Variants in TNIK observed in about 807,000 individuals in gnomAD.
The protein encoded by TNIK is TRAF2 and NCK interacting kinase.
Under a neutral mutation model 191.3 loss-of-function variants are expected in TNIK, and 49 were observed. The ratio of observed to expected loss-of-function variants is 0.26; its 90% CI spans 0.20 to 0.32. TNIK has a LOEUF of 0.32. TNIK is among the 10% of genes least tolerant of loss of function. The pLI, the probability that TNIK is intolerant of heterozygous loss-of-function variation, is 1.00. For missense variants in TNIK, 1,155 were observed against 1,702.3 expected (o/e 0.68, Z 5.66); for synonymous variants, 594 against 600.9 (o/e 0.99, Z 0.17).
chr3:171,144,689 A>T (rs1731295403), intron 12 of TNIK, among the ~76,000 whole-genome samples: 1 of 152,204 alleles, frequency 6.6e-6, no homozygotes, highest in East Asian at 1.9e-4. Flanking sequence ...AATTTCAGCC[A>T]TCCTCTTATG....
chr3:171,152,338 CA>C (rs1463028529), intron 12 of TNIK, among the ~76,000 whole-genome samples: 1 of 151,456 alleles, frequency 6.6e-6, no homozygotes, highest in Non-Finnish European at 1.5e-5. Flanking sequence ...AGAATGTGAA[CA>C]AAAAGCTGAT....
At chr3:171,124,321 G>A (rs1274503709) in intron 17 of TNIK, among the ~76,000 whole-genome samples, 2 of 152,092 alleles carry the variant, frequency 1.3e-5, no homozygotes, top group African/African-American at 4.8e-5. Context: ...GTCAATTAGT[G>A]AACATAATAG....
chr3:171,270,021 TAA>T (rs367587283), intron 2 of TNIK, among the ~76,000 whole-genome samples: 3 of 152,242 alleles, frequency 2.0e-5, no homozygotes, highest in African/African-American at 7.2e-5. Flanking sequence ...CAATAGAAAA[TAA>T]ACTCACACAC....
At chr3:171,151,661 G>A (rs887158478) in intron 12 of TNIK, among the ~76,000 whole-genome samples, 2 of 152,172 alleles carry the variant, frequency 1.3e-5, no homozygotes, top group African/African-American at 4.8e-5. Flanking sequence ...AAGAAAGCTG[G>A]GATTTGACCC....
At chr3:171,219,284 A>G (rs962958458) in intron 3 of TNIK, among the ~76,000 whole-genome samples, 52 of 144,568 alleles carry the variant, frequency 3.6e-4, no homozygotes, top group African/African-American at 1.3e-3. Flanking sequence ...TATTATATAT[A>G]ATGATATATA....
chr3:171,459,322 A>G (rs1463322557), intron 1 of TNIK, among the ~76,000 whole-genome samples: 1 of 152,152 alleles, frequency 6.6e-6, no homozygotes, highest in Non-Finnish European at 1.5e-5. Flanking sequence ...AAGTTCAGCC[A>G]TAAAACTGAA....
chr3:171,286,308 C>T (rs543845961), intron 2 of TNIK, among the ~76,000 whole-genome samples: 1 of 152,152 alleles, frequency 6.6e-6, no homozygotes, highest in Non-Finnish European at 1.5e-5. Flanking sequence ...CATGAATGCC[C>T]TGACTCGTTA....
chr3:171,143,150 G>C (rs1731080055), intron 12 of TNIK, among the ~76,000 whole-genome samples: 1 of 152,184 alleles, frequency 6.6e-6, no homozygotes, highest in African/African-American at 2.4e-5. Flanking sequence ...ACACATGGAG[G>C]CATCTGCCAG....
intron 2 of TNIK, among the ~76,000 whole-genome samples, chr3:171,356,327 G>C (rs958580634): frequency 6.6e-6 from 1 of 152,020 alleles, no homozygotes; most frequent in Non-Finnish European, 1.5e-5. Context: ...AATGTAAGTA[G>C]CCCAAGGTAT....
intron 3 of TNIK, among the ~76,000 whole-genome samples, chr3:171,217,767 G>A (rs991113460): frequency 3.3e-5 from 5 of 152,116 alleles, no homozygotes; most frequent in African/African-American, 1.2e-4. Context: ...TGTGGTAGCT[G>A]ATCTAATTAA....
chr3:171,200,779 G>C (rs1739305574), intron 4 of TNIK, among the ~76,000 whole-genome samples: 1 of 152,194 alleles, frequency 6.6e-6, no homozygotes, highest in Admixed American at 6.5e-5. Flanking sequence ...CTCAAAGGCA[G>C]TCAAAGGTTT....
intron 23 of TNIK, among the ~76,000 whole-genome samples, chr3:171,092,120 T>G (rs564652650): frequency 1.3e-5 from 2 of 152,040 alleles, no homozygotes; most frequent in African/African-American, 4.8e-5. Flanking sequence ...TGGCTAATTT[T>G]TTTATTTTTA....
chr3:171,116,989 G>T (rs1232251160), intron 18 of TNIK, among the ~76,000 whole-genome samples: 1 of 152,208 alleles, frequency 6.6e-6, no homozygotes, highest in Non-Finnish European at 1.5e-5. Flanking sequence ...GTTGCATGGG[G>T]TCAGGATGAC....
At chr3:171,087,758 G>A (rs892511083) in intron 23 of TNIK, among the ~76,000 whole-genome samples, 1 of 152,214 alleles carries the variant, frequency 6.6e-6, no homozygotes, top group African/African-American at 2.4e-5. Flanking sequence ...ATATGGCATG[G>A]GAGTCCCATG....
At chr3:171,085,278 A>G in intron 24 of TNIK, 49 bp from the exon 25 acceptor site, 1 of 1,500,180 alleles carries the variant, frequency 6.7e-7, no homozygotes, top group Non-Finnish European at 9.1e-7. Flanking sequence ...TACTGCAGGA[A>G]TAACAATGCT....
chr3:171,139,683 C>A (rs1010757448), intron 13 of TNIK, 127 bp from the exon 14 acceptor site: 1 of 775,932 alleles, frequency 1.3e-6, no homozygotes, highest in East Asian at 2.6e-5. Flanking sequence ...TACCCAAATA[C>A]CTTCTTACAA....
intron 2 of TNIK, among the ~76,000 whole-genome samples, chr3:171,336,688 T>C (rs1756984333): frequency 6.6e-6 from 1 of 152,142 alleles, no homozygotes; most frequent in Admixed American, 6.5e-5. Context: ...AAAATCTCCA[T>C]CAGCATTTCC....
chr3:171,440,006 C>A (rs1222363885), intron 1 of TNIK, among the ~76,000 whole-genome samples: 1 of 152,198 alleles, frequency 6.6e-6, no homozygotes, highest in East Asian at 1.9e-4. Context: ...ATGGTAGAAG[C>A]CTGCACAGTT....
chr3:171,405,135 T>C (rs1212054914), intron 1 of TNIK, among the ~76,000 whole-genome samples: 1 of 152,172 alleles, frequency 6.6e-6, no homozygotes, highest in Non-Finnish European at 1.5e-5. Context: ...GGGTAAGCAA[T>C]GTGTTACTTA....
Sources: gnomAD v4.1 joint callset for allele counts (sites outside exome capture counted in the v4.1 genomes callset) on GRCh38, gnomAD v4.1.1 for gene constraint, MANE v1.5 for transcripts, NCBI Gene and HGNC (gene_info 2026-07-23, HGNC 2026-07-21) for gene names.